RNF150: variants seen among roughly 807,000 people sequenced by gnomAD.
RNF150 encodes ring finger protein 150.
Under a neutral mutation model 39.3 loss-of-function variants are expected in RNF150, and 24 were observed. The ratio of observed to expected loss-of-function variants is 0.61; its 90% confidence interval spans 0.44 to 0.86. The LOEUF (loss-of-function observed/expected upper bound fraction) is 0.86. Ranked by LOEUF, RNF150 falls within the 40% of genes least tolerant of loss-of-function variation. The pLI is 0.00. For missense variants in RNF150, 502 were observed against 587.8 expected (o/e 0.85, Z 1.51); for synonymous variants, 255 against 227.3 (o/e 1.12, Z -1.10).
intron 1 of RNF150, among the ~76,000 whole-genome samples, chr4:141,013,050 G>A (rs1735133494): frequency 1.3e-5 from 2 of 152,098 alleles, no homozygotes; most frequent in Non-Finnish European, 2.9e-5. Flanking sequence ...AGACAAATGG[G>A]GAAAATGGAA....
chr4:141,178,325 G>A (rs1449633477), intron 1 of RNF150, among the ~76,000 whole-genome samples: 1 of 152,060 alleles, frequency 6.6e-6, no homozygotes, highest in African/African-American at 2.4e-5. Context: ...GAATTCTCTT[G>A]AATTAACAAT....
chr4:141,092,534 CTTGA>C (rs1738625606), intron 1 of RNF150, among the ~76,000 whole-genome samples: 1 of 151,950 alleles, frequency 6.6e-6, no homozygotes. Flanking sequence ...TTATAGAGTA[CTTGA>C]TTATTTATTA....
intron 6 of RNF150, among the ~76,000 whole-genome samples, chr4:140,887,563 A>G (rs1313973188): frequency 6.6e-6 from 1 of 152,148 alleles, no homozygotes; most frequent in African/African-American, 2.4e-5. Context: ...TGTTGGATGT[A>G]GGTCGACGCA....
At position 141,075,302 on chromosome 4, in the gene RNF150, C is replaced by T. The variant is rs961250532; in HGVS notation, c.484+57023G>A. 1.8e-3 allele frequency among the ~76,000 whole-genome samples: 274 copies of T among 150,864 alleles called. 3 individuals are homozygous for T. Among genetic ancestry groups the T allele is most frequent in the African/African-American group, 6.4e-3 (263 of 41,178 alleles). ...TGGGTGTGGCTGTGTTCCAGTAAAA[C>T]GTTATTCACAAAAACAGCCAGATTT... On this transcript the variant is annotated intron_variant, in intron 1 of 6. Transcript: ENST00000515673.
intron 1 of RNF150, among the ~76,000 whole-genome samples, chr4:141,166,466 A>C (rs566791238): frequency 1.3e-5 from 2 of 152,286 alleles, no homozygotes; most frequent in African/African-American, 2.4e-5. Flanking sequence ...TCCTGATACC[A>C]AAACCTGGCA....
At chr4:141,075,230 A>T (rs888836214) in intron 1 of RNF150, among the ~76,000 whole-genome samples, 2 of 152,224 alleles carry the variant, frequency 1.3e-5, no homozygotes, top group African/African-American at 4.8e-5. Context: ...CAACTATTCA[A>T]CTCTGCACTG....
At chr4:140,995,098 T>C (rs540042091) in intron 1 of RNF150, among the ~76,000 whole-genome samples, 1 of 152,284 alleles carries the variant, frequency 6.6e-6, no homozygotes, top group Admixed American at 6.5e-5. Context: ...TCTAATTATA[T>C]TTTTTGTACC....
intron 6 of RNF150, among the ~76,000 whole-genome samples, chr4:140,877,570 T>A (rs1729205942): frequency 6.6e-6 from 1 of 152,368 alleles, no homozygotes; most frequent in Middle Eastern, 3.4e-3. Context: ...ATTCAACAGA[T>A]GTTTATTGAA....
chr4:140,931,427 T>G (rs1731631453), intron 4 of RNF150, among the ~76,000 whole-genome samples: 2 of 152,192 alleles, frequency 1.3e-5, no homozygotes, highest in African/African-American at 4.8e-5. Flanking sequence ...TCCTTATAAT[T>G]GGGATTGGAA....
chr4:140,888,580 T>C (rs1234773786), intron 6 of RNF150, among the ~76,000 whole-genome samples: 2 of 152,144 alleles, frequency 1.3e-5, no homozygotes, highest in Non-Finnish European at 2.9e-5. Context: ...ATAAAAGAGA[T>C]ACAAATGAGG....
chr4:141,021,121 A>C (rs1184298940), intron 1 of RNF150, among the ~76,000 whole-genome samples: 1 of 152,138 alleles, frequency 6.6e-6, no homozygotes, highest in Non-Finnish European at 1.5e-5. Flanking sequence ...TCTGGATAAA[A>C]TCACCTAACA....
chr4:141,014,053 TA>T (rs1735171568), intron 1 of RNF150, among the ~76,000 whole-genome samples: 1 of 152,160 alleles, frequency 6.6e-6, no homozygotes, highest in African/African-American at 2.4e-5. Context: ...AGTTCAACTT[TA>T]TTAGATTCCA....
At chr4:140,939,609 TGTGTGTGTGTGTG>T in intron 4 of RNF150, among the ~76,000 whole-genome samples, 1 of 950 alleles carries the variant, frequency 1.1e-3, no homozygotes, top group South Asian at 7.4e-3. Flanking sequence ...GTGGAGTTTG[TGTGTGTGTGTGTG>T]TGTGTGTGTG....
intron 1 of RNF150, among the ~76,000 whole-genome samples, chr4:141,067,670 A>C (rs762019706): frequency 4.2e-4 from 64 of 152,318 alleles, no homozygotes; most frequent in Middle Eastern, 3.4e-3. Context: ...ATACCACCTC[A>C]TAATTATTTG....
chr4:141,158,319 A>G (rs1036743793), intron 1 of RNF150, among the ~76,000 whole-genome samples: 1 of 152,024 alleles, frequency 6.6e-6, no homozygotes, highest in Admixed American at 6.6e-5. Flanking sequence ...AAAACAAAAC[A>G]AAGAACAACA....
At chr4:141,128,726 G>A (rs1298411930) in intron 1 of RNF150, among the ~76,000 whole-genome samples, 1 of 151,994 alleles carries the variant, frequency 6.6e-6, no homozygotes, top group Admixed American at 6.6e-5. Flanking sequence ...TAAAAAAAAA[G>A]TGAGAGAAGC....
Position 140,868,238 on chromosome 4 carries a change from T to C in RNF150, c.*23A>G, listed in dbSNP as rs565665525. On this transcript the variant is annotated 3_prime_UTR_variant, in exon 7 of 7. Coordinates refer to ENST00000515673, the MANE Select transcript of RNF150 (RefSeq NM_020724.2). ...TTCCTTTCCCTTGGGTCCTACTATCTCTTTGCTTCTGGATTTGTCGTTTCA... is the reference window on the plus strand; with the variant it reads ...TTCCTTTCCCTTGGGTCCTACTATCCCTTTGCTTCTGGATTTGTCGTTTCA... 5.2e-6 allele frequency: 7 copies of C among 1,353,948 alleles called. No homozygotes were observed. Among genetic ancestry groups the C allele is most frequent in the South Asian group, 1.2e-5 (1 of 85,668 alleles). The allele number at this position is 1,353,948 out of a possible 1,614,324, so 83.9% of individuals were successfully genotyped here.
chr4:141,027,332 T>C (rs1026625198), intron 1 of RNF150, among the ~76,000 whole-genome samples: 5 of 152,244 alleles, frequency 3.3e-5, no homozygotes, highest in South Asian at 4.1e-4. Flanking sequence ...CTAAGTGTTA[T>C]ATAAACAATG....
At chr4:141,136,644 C>A (rs1336950129), upstream of RNF150, among the ~76,000 whole-genome samples, 3 of 152,184 alleles carry the variant, frequency 2.0e-5, no homozygotes, top group Non-Finnish European at 4.4e-5. Flanking sequence ...TATTTCATTT[C>A]TTCATCCAAC....
Sources: allele counts gnomAD v4.1 joint callset (sites outside exome capture counted in the v4.1 genomes callset), GRCh38; gene constraint gnomAD v4.1.1; transcripts MANE v1.5; gene names NCBI Gene and HGNC (gene_info 2026-07-23, HGNC 2026-07-21).